GAK: variants seen among roughly 807,000 people sequenced by gnomAD.
GAK encodes cyclin-G-associated kinase.
In GAK, 79 loss-of-function variants were observed where a neutral mutation model predicts 143.9. The ratio of observed to expected loss-of-function variants is 0.55; its 90% confidence interval spans 0.46 to 0.66. The LOEUF is 0.66. Ranked by LOEUF, GAK falls within the 30% of genes least tolerant of loss-of-function variation. The pLI, the probability that GAK is intolerant of heterozygous loss-of-function variation, is 0.00. For synonymous variants in GAK, 881 were observed against 765.5 expected (o/e 1.15, Z -2.49); for missense variants, 1,693 against 1,779.7 (o/e 0.95, Z 0.88).
At chr4:903,640 A>AG (rs1433741702) in intron 5 of GAK, among the ~76,000 whole-genome samples, 16 of 136,112 alleles carry the variant, frequency 1.2e-4, no homozygotes, top group African/African-American at 1.8e-4. Context: ...TGACACCACC[A>AG]GGGGACTGAG....
intron 18 of GAK, among the ~76,000 whole-genome samples, chr4:874,170 T>C (rs1713323360): frequency 6.6e-6 from 1 of 151,946 alleles, no homozygotes; most frequent in African/African-American, 2.4e-5. Context: ...CATGCACACG[T>C]GTGTTGGTGC....
At chr4:875,571 C>G (rs11732965) in intron 18 of GAK, among the ~76,000 whole-genome samples, 5 of 152,216 alleles carry the variant, frequency 3.3e-5, no homozygotes, top group Non-Finnish European at 5.9e-5. Flanking sequence ...ACACAGCAGG[C>G]CCTGCAGCCA....
At chr4:903,702 G>C (rs1017258733) in intron 5 of GAK, among the ~76,000 whole-genome samples, 59 of 132,618 alleles carry the variant, frequency 4.4e-4, no homozygotes, top group African/African-American at 1.6e-3. Flanking sequence ...CACCACCGGG[G>C]GGCGGTGGGG....
intron 12 of GAK, 37 bp from the exon 13 acceptor site, chr4:883,500 G>A (rs1035687515): frequency 1.1e-5 from 18 of 1,607,964 alleles, no homozygotes; most frequent in Non-Finnish European, 1.5e-5. Flanking sequence ...CCTGGGAGAT[G>A]CGCACCTCGT....
Position 893,861 on chromosome 4 carries a change from C to T in GAK, c.877+13G>A, listed in dbSNP as rs1449404268. ...AGGGTCCTGCCCCACGCACGCATTC[C>T]ACCGGGACTTACGGATGAGGCTGTG... is the stretch of plus-strand genomic sequence containing the variant. On this transcript the variant is annotated intron_variant, in intron 8 of 27. Coordinates refer to ENST00000314167, the MANE Select transcript of GAK (RefSeq NM_005255.4). The T allele has an allele frequency of 1.3e-6, 2 of 1,572,526 alleles. No individual in the cohort carries two copies. The highest frequency in any genetic ancestry group is 1.7e-6 in the Non-Finnish European group (2 of 1,156,118).
intron 4 of GAK, among the ~76,000 whole-genome samples, chr4:906,473 C>T (rs1053420101): frequency 3.9e-5 from 6 of 152,270 alleles, no homozygotes; most frequent in African/African-American, 1.2e-4. Context: ...GCACGCAGGG[C>T]TGAGGACCTG....
intron 27 of GAK, 57 bp from the exon 28 acceptor site, chr4:849,831 A>AGGTGGG: frequency 1.0e-6 from 1 of 999,058 alleles, no homozygotes; most frequent in Non-Finnish European, 1.4e-6. Flanking sequence ...CGGGCGGGGC[A>AGGTGGG]GGACCCCCCC....
chr4:931,424 C>T (rs1725752227), intron 1 of GAK, among the ~76,000 whole-genome samples: 1 of 149,938 alleles, frequency 6.7e-6, no homozygotes, highest in African/African-American at 2.5e-5. Flanking sequence ...GCCAACCCCC[C>T]CACCCCCCAG....
At chr4:864,992 AC>A (rs1750902622) in intron 23 of GAK, 129 bp downstream of exon 23, 2 of 1,293,216 alleles carry the variant, frequency 1.5e-6, no homozygotes, top group Admixed American at 2.6e-5. Context: ...AGCCCGCACC[AC>A]CAAGCACGCC....
chr4:905,029 G>C (rs183448511), intron 4 of GAK, among the ~76,000 whole-genome samples: 1 of 152,080 alleles, frequency 6.6e-6, no homozygotes, highest in East Asian at 1.9e-4. Context: ...ATTGCTTTTC[G>C]TAACCAATCA....
chr4:884,927 C>G (rs180795912), intron 11 of GAK, among the ~76,000 whole-genome samples: 1 of 152,094 alleles, frequency 6.6e-6, no homozygotes, highest in Non-Finnish European at 1.5e-5. Context: ...CAAATACACA[C>G]GACCGAACCA....
Position 909,782 on chromosome 4 carries a change from A to G in GAK, c.382+1891T>C, listed in dbSNP as rs1017178467. 3.9e-5 allele frequency among the ~76,000 whole-genome samples: 6 copies of G among 152,364 alleles called. No individual in the cohort carries two copies. In the East Asian group the frequency reaches 1.2e-3, roughly 29 times the overall value. On this transcript the variant is annotated intron_variant, in intron 4 of 27. Transcript: ENST00000314167. Reference sequence around the variant, plus strand: ...GAACCCCATGAGCAGGAAGTGGACAATGGACGCCCCTTGTGCTGCCTTCAA... The same window carrying G: ...GAACCCCATGAGCAGGAAGTGGACAGTGGACGCCCCTTGTGCTGCCTTCAA...
intron 5 of GAK, among the ~76,000 whole-genome samples, chr4:903,632 ACACCAC>A (rs1720429233): frequency 6.7e-6 from 1 of 149,362 alleles, no homozygotes. Context: ...GCCTGAACTG[ACACCAC>A]CAGGGGACTG....
At position 849,353 on chromosome 4, in the gene GAK, T is replaced by G. The variant is rs886922884; in HGVS notation, c.*320A>C. On this transcript the variant is annotated 3_prime_UTR_variant, in exon 28 of 28. Coordinates refer to ENST00000314167, the MANE Select transcript of GAK (RefSeq NM_005255.4). Reference sequence around the variant, plus strand: ...AGTGCGGTGCAAACACCAGGGCCCATGAGCGCCAGCAGCGTGGCCCACCAC... The same window carrying G: ...AGTGCGGTGCAAACACCAGGGCCCAGGAGCGCCAGCAGCGTGGCCCACCAC... The G allele has an allele frequency of 2.4e-6, 1 of 423,140 alleles. No individual in the cohort carries two copies. Among genetic ancestry groups the G allele is most frequent in the African/African-American group, 2.0e-5 (1 of 50,256 alleles). The allele number at this position is 423,140 out of a possible 1,614,324, so 26.2% of individuals were successfully genotyped here.
At position 882,830 on chromosome 4, in the gene GAK, AG is replaced by A. The variant is rs778523146; in HGVS notation, c.1405-12del. On this transcript the variant is annotated splice_polypyrimidine_tract_variant and intron_variant, in intron 13 of 27. Coordinates refer to ENST00000314167, the MANE Select transcript of GAK (RefSeq NM_005255.4). ...GCCACACTCGGAGACCTGTGGGGACAGGGCACGGTGGCACGGACGGCAGAGG... is the reference window on the plus strand; with the variant it reads ...GCCACACTCGGAGACCTGTGGGGACAGGCACGGTGGCACGGACGGCAGAGG... 3.9e-5 allele frequency: 63 copies of A among 1,607,260 alleles called. No individual in the cohort carries two copies. Among genetic ancestry groups the A allele is most frequent in the Admixed American group, 6.7e-5 (4 of 59,972 alleles).
Position 866,501 on chromosome 4 carries a change from C to G in GAK, c.2906G>C (p.Gly969Ala). The G allele has an allele frequency of 6.2e-7, 1 of 1,613,952 alleles. No homozygotes were observed. Residue 969 changes from glycine to alanine, a missense_variant, in exon 22 of 28, where the codon GGC (glycine) becomes GCC (alanine). Gly to Ala is a moderately conservative substitution (Grantham distance 60). Coordinates refer to ENST00000314167, the MANE Select transcript of GAK (RefSeq NM_005255.4). ...ATTGGAGCAGGGCTGGGAGTTGTTG[C>G]CTGAAGACGGCAGAAGCGGGCCAAA... ...DPFGPLLPSSGNNSQPCSNPD... is the reference protein window; with the variant it reads ...DPFGPLLPSSANNSQPCSNPD...
At chr4:850,691 G>A in intron 26 of GAK, 1 of 190,444 alleles carries the variant, frequency 5.3e-6, no homozygotes, top group Non-Finnish European at 1.1e-5. Context: ...GTGGGGAGCA[G>A]CACAGCCTGG....
In GAK at chr4:898,022, A is replaced by G; in HGVS notation, c.651+11T>C. The G allele has an allele frequency of 6.2e-7, 1 of 1,609,636 alleles. No individual in the cohort carries two copies. The highest frequency in any genetic ancestry group is 8.5e-7 in the Non-Finnish European group (1 of 1,177,710). On this transcript the variant is annotated intron_variant, in intron 6 of 27. Coordinates refer to ENST00000314167, the MANE Select transcript of GAK (RefSeq NM_005255.4). ...GCCAGCTTCCCCCAGCATAGGCCCCACTCAGCTCACCTCTTCCTCCACCAG... is the reference window on the plus strand; with the variant it reads ...GCCAGCTTCCCCCAGCATAGGCCCCGCTCAGCTCACCTCTTCCTCCACCAG...
At chr4:919,578 G>A (rs867370765) in intron 1 of GAK, among the ~76,000 whole-genome samples, 37 of 152,340 alleles carry the variant, frequency 2.4e-4, no homozygotes, top group Admixed American at 1.5e-3. Context: ...GGCCTGGAAG[G>A]GGCCCCTGAC....
Sources: gnomAD v4.1 joint callset for allele counts (sites outside exome capture counted in the v4.1 genomes callset) on GRCh38, gnomAD v4.1.1 for gene constraint, MANE v1.5 for transcripts, NCBI Gene and HGNC (gene_info 2026-07-23, HGNC 2026-07-21) for gene names.